The following MB21D2 variants were observed in gnomAD, a reference collection of about 807,000 sequenced individuals.
MB21D2 encodes nucleotidyltransferase MB21D2.
In MB21D2, 9 loss-of-function variants were observed where a neutral mutation model predicts 33.3. That is an observed-to-expected ratio of 0.27 (90% confidence interval 0.16 to 0.47). MB21D2 has a LOEUF of 0.47. Among genes scored for constraint, MB21D2 ranks in the 20% least tolerant of loss-of-function variants. The pLI is 0.99. For synonymous variants in MB21D2, 241 were observed against 236.3 expected (o/e 1.02, Z -0.18); for missense variants, 540 against 624.6 (o/e 0.86, Z 1.44).
chr3:192,835,988 G>C (rs1033556036), intron 1 of MB21D2, among the ~76,000 whole-genome samples: 1 of 152,142 alleles, frequency 6.6e-6, no homozygotes, highest in Non-Finnish European at 1.5e-5. Flanking sequence ...CCACTTCTAA[G>C]CTGGGTGTCT....
chr3:192,910,442 C>T (rs976484693), intron 1 of MB21D2, among the ~76,000 whole-genome samples: 1 of 152,036 alleles, frequency 6.6e-6, no homozygotes, highest in African/African-American at 2.4e-5. Flanking sequence ...GGCATCATTG[C>T]ACTCCAGCCT....
At chr3:192,825,512 T>C (rs1712156007) in intron 1 of MB21D2, among the ~76,000 whole-genome samples, 2 of 152,126 alleles carry the variant, frequency 1.3e-5, no homozygotes, top group African/African-American at 4.8e-5. Flanking sequence ...TAAAAGAATA[T>C]TAGGAAAAGC....
At chr3:192,828,627 T>C (rs1246483150) in intron 1 of MB21D2, among the ~76,000 whole-genome samples, 990 of 33,632 alleles carry the variant, frequency 0.029, 190 homozygotes, top group East Asian at 0.15. Flanking sequence ...TATATATATA[T>C]ATATATATAT....
At chr3:192,906,491 G>A (rs548417181) in intron 1 of MB21D2, among the ~76,000 whole-genome samples, 39 of 151,946 alleles carry the variant, frequency 2.6e-4, no homozygotes, top group Non-Finnish European at 4.7e-4. Flanking sequence ...CTCACCTCAG[G>A]GCCTTTACAC....
intron 1 of MB21D2, among the ~76,000 whole-genome samples, chr3:192,873,216 T>C (rs1713350213): frequency 6.6e-6 from 1 of 152,156 alleles, no homozygotes; most frequent in Non-Finnish European, 1.5e-5. Context: ...CAATTACTAT[T>C]AGTATGATTA....
chr3:192,837,167 G>A (rs1712459045), intron 1 of MB21D2, among the ~76,000 whole-genome samples: 1 of 152,174 alleles, frequency 6.6e-6, no homozygotes. Context: ...AGTATTAGCA[G>A]TTCTTGTTTC....
chr3:192,896,842 G>C (rs917403132), intron 1 of MB21D2, among the ~76,000 whole-genome samples: 14 of 152,288 alleles, frequency 9.2e-5, no homozygotes, highest in African/African-American at 3.4e-4. Context: ...GTCACTGCAG[G>C]AGCTTGCTTA....
Position 192,917,837 on chromosome 3 carries a change from T to A in MB21D2, c.4A>T (p.Lys2Ter), listed in dbSNP as rs1175498369. The A allele has an allele frequency of 6.2e-7, 1 of 1,607,776 alleles. No individual in the cohort carries two copies. Among genetic ancestry groups the A allele is most frequent in the Non-Finnish European group, 8.5e-7 (1 of 1,176,950 alleles). M[K>*]MAAPTANKAA... ...TTGTTGGCGGTGGGAGCCGCCATCTTCATGCAAAACGCGCCGAGTAGCAGC... is the reference window on the plus strand; with the variant it reads ...TTGTTGGCGGTGGGAGCCGCCATCTACATGCAAAACGCGCCGAGTAGCAGC... Residue 2 changes from lysine (K) to a stop codon, truncating the protein, a stop_gained, in exon 1 of 2, where the codon AAG becomes TAG. Transcript: ENST00000392452. LOFTEE classifies it high-confidence loss of function.
rs774157860 is a variant in MB21D2 at position 192,798,894 on chromosome 3, C to T, written c.968G>A (p.Arg323Gln). 11 of 1,613,390 alleles carry T rather than the reference C, an allele frequency of 6.8e-6. No individual in the cohort carries two copies. The highest frequency in any genetic ancestry group is 6.7e-5 in the Admixed American group (4 of 59,988). Residue 323 changes from arginine to glutamine, a missense_variant, in exon 2 of 2, where the codon CGG (arginine) becomes CAG (glutamine). Physicochemically the swap from Arg to Gln is conservative, Grantham distance 43. Transcript: ENST00000392452. This position sits in a 1 kb window ranked among gnomAD's most constrained non-coding sequence, Gnocchi z 4.8. The stretch of plus-strand genomic sequence containing the variant: ...GTGATAGGGGCTAATAGCCTTGGGC[C>T]GGGACAGCAGTTTAATGATGATGGC... ...CKAIIIKLLS[R>Q]PKAISPYHLR...
rs762640339 is a variant in MB21D2 at position 192,799,447 on chromosome 3, G to A, written c.415C>T (p.Arg139Cys). 27 of 1,614,094 alleles carry A rather than the reference G, an allele frequency of 1.7e-5. No individual in the cohort carries two copies. The highest frequency in any genetic ancestry group is 2.1e-5 in the Non-Finnish European group (25 of 1,180,044). The change falls in exon 2 of 2, where the codon CGC becomes TGC. Residue 139 changes from arginine to cysteine, a missense_variant. Transcript: ENST00000392452. The surrounding 1 kb of genome is among the most constrained non-coding windows in gnomAD (Gnocchi z 4.1). Reference protein sequence around the residue: ...DRNQPVTLDMRHSALCHSWLS... With the variant: ...DRNQPVTLDMCHSALCHSWLS... ...CAAGAGTGGCACAAGGCTGAGTGGC[G>A]CATGTCGAGTGTCACAGGCTGATTA...
At chr3:192,806,010 C>T (rs1711652895) in intron 1 of MB21D2, among the ~76,000 whole-genome samples, 1 of 152,244 alleles carries the variant, frequency 6.6e-6, no homozygotes, top group Non-Finnish European at 1.5e-5. Flanking sequence ...ATTCTCTCCC[C>T]TGGCTGTACC....
chr3:192,861,648 T>C (rs1011827317), intron 1 of MB21D2, among the ~76,000 whole-genome samples: 3 of 151,880 alleles, frequency 2.0e-5, no homozygotes, highest in African/African-American at 7.3e-5. Context: ...CTCTACTAAA[T>C]ACGAAATTAG....
At chr3:192,910,886 G>C (rs1228116793) in intron 1 of MB21D2, among the ~76,000 whole-genome samples, 9 of 152,206 alleles carry the variant, frequency 5.9e-5, no homozygotes, top group African/African-American at 2.2e-4. Flanking sequence ...GTACAAAACA[G>C]AGCTGGTACA....
intron 1 of MB21D2, among the ~76,000 whole-genome samples, chr3:192,884,035 G>A (rs1409357039): frequency 6.6e-6 from 1 of 152,058 alleles, no homozygotes; most frequent in African/African-American, 2.4e-5. Flanking sequence ...CAGCAAAGTA[G>A]GTGAACATGA....
chr3:192,875,335 G>A (rs1216532726), intron 1 of MB21D2, among the ~76,000 whole-genome samples: 5 of 152,172 alleles, frequency 3.3e-5, no homozygotes, highest in Admixed American at 2.0e-4. Flanking sequence ...TTTGCTGCAC[G>A]AATGGATGAA....
At chr3:192,845,181 A>G (rs1404938659) in intron 1 of MB21D2, among the ~76,000 whole-genome samples, 1 of 152,244 alleles carries the variant, frequency 6.6e-6, no homozygotes, top group African/African-American at 2.4e-5. Flanking sequence ...GAAGGATTAT[A>G]GGGTGACTGG....
intron 1 of MB21D2, among the ~76,000 whole-genome samples, chr3:192,905,078 C>T (rs1427948470): frequency 6.6e-6 from 1 of 152,140 alleles, no homozygotes; most frequent in Non-Finnish European, 1.5e-5. Flanking sequence ...CAACACAATC[C>T]GCGCAAGCAG....
intron 1 of MB21D2, among the ~76,000 whole-genome samples, chr3:192,847,516 A>G (rs1712701940): frequency 6.6e-6 from 1 of 152,220 alleles, no homozygotes; most frequent in African/African-American, 2.4e-5. Flanking sequence ...CACATGAAAC[A>G]TGAGGATTAA....
At chr3:192,898,087 A>C (rs2108650093) in intron 1 of MB21D2, among the ~76,000 whole-genome samples, 1 of 152,266 alleles carries the variant, frequency 6.6e-6, no homozygotes, top group Non-Finnish European at 1.5e-5. Flanking sequence ...CTACTTTTTA[A>C]GTATATGTAG....
Sources: gnomAD v4.1 joint callset for allele counts (sites outside exome capture counted in the v4.1 genomes callset) on GRCh38, gnomAD v4.1.1 for gene constraint, Gnocchi (gnomAD v3.1) non-coding constraint, MANE v1.5 for transcripts, NCBI Gene and HGNC (gene_info 2026-07-23, HGNC 2026-07-21) for gene names.